The following FYN variants were observed in gnomAD, a reference collection of about 807,000 sequenced individuals.
FYN encodes the protein FYN proto-oncogene, Src family tyrosine kinase, also known as tyrosine-protein kinase Fyn.
Under a neutral mutation model 70.2 loss-of-function variants are expected in FYN, and 10 were observed. The observed-to-expected ratio is 0.14, with a 90% CI of 0.09 to 0.24. The LOEUF (loss-of-function observed/expected upper bound fraction) is 0.24. FYN is among the 10% of genes least tolerant of loss of function. The pLI is 1.00. For synonymous variants in FYN, 236 were observed against 248.6 expected (o/e 0.95, Z 0.48); for missense variants, 319 against 673.1 (o/e 0.47, Z 5.82).
At chr6:111,732,790 T>C (rs1801527556) in intron 3 of FYN, among the ~76,000 whole-genome samples, 1 of 152,168 alleles carries the variant, frequency 6.6e-6, no homozygotes, top group African/African-American at 2.4e-5. Flanking sequence ...GCTGGTGAAC[T>C]GGCTTCAACA....
chr6:111,822,422 T>C (rs940142080), intron 2 of FYN, among the ~76,000 whole-genome samples: 2 of 151,874 alleles, frequency 1.3e-5, no homozygotes, highest in South Asian at 2.1e-4. Flanking sequence ...TAGGTGGGAA[T>C]TGAACAATGA....
intron 3 of FYN, among the ~76,000 whole-genome samples, chr6:111,743,697 C>T (rs2128481160): frequency 6.6e-6 from 1 of 152,202 alleles, no homozygotes; most frequent in South Asian, 2.1e-4. Context: ...CAAGAGGATC[C>T]CAGAGATCGG....
rs148899885 is a variant in FYN at position 111,767,463 on chromosome 6, G to A, written c.-12+13103C>T. Reference sequence around the variant, plus strand: ...GTTGCCCAGGCTGGAGTGCAGTGGCGCAATCTCAGCTCACTGCAACCTCTG... The same window carrying A: ...GTTGCCCAGGCTGGAGTGCAGTGGCACAATCTCAGCTCACTGCAACCTCTG... On this transcript the variant is annotated intron_variant, in intron 3 of 13. Transcript: ENST00000354650. Among the ~76,000 whole-genome samples the A allele has an allele frequency of 1.5e-3, 223 of 152,180 alleles. 2 individuals carry two copies. Among genetic ancestry groups the A allele is most frequent in the African/African-American group, 5.1e-3 (212 of 41,520 alleles).
rs1802374447 is a variant in FYN, at chr6:111,749,103, A to C, written c.-11-29041T>G. 1.3e-5 allele frequency among the ~76,000 whole-genome samples: 2 copies of C among 152,196 alleles called. 1 individual carries two copies. Among genetic ancestry groups the C allele is most frequent in the South Asian group, 4.1e-4 (2 of 4,832 alleles). On this transcript the variant is annotated intron_variant, in intron 3 of 13. Coordinates refer to ENST00000354650, the MANE Select transcript of FYN (RefSeq NM_002037.5). ...TCACTCTTCCTGGGCCTCAGTCACT[A>C]TAATGGTTCATCCAGATCATCTCGG... is the stretch of plus-strand genomic sequence containing the variant.
chr6:111,817,984 A>G (rs1772542890), intron 2 of FYN, among the ~76,000 whole-genome samples: 1 of 152,204 alleles, frequency 6.6e-6, no homozygotes, highest in South Asian at 2.1e-4. Context: ...ATCTATGCAC[A>G]TGTGCCCTGA....
chr6:111,725,764 T>C (rs892545349), intron 3 of FYN, among the ~76,000 whole-genome samples: 3 of 152,050 alleles, frequency 2.0e-5, no homozygotes, highest in Non-Finnish European at 2.9e-5. Context: ...CTAAATGACA[T>C]TGTGGTAGGG....
intron 3 of FYN, among the ~76,000 whole-genome samples, chr6:111,738,116 G>T (rs962069023): frequency 6.6e-6 from 1 of 152,160 alleles, no homozygotes; most frequent in African/African-American, 2.4e-5. Context: ...TCTGTTAGGA[G>T]CAAGTACTGG....
chr6:111,808,887 T>C (rs1408057149), intron 2 of FYN, among the ~76,000 whole-genome samples: 1 of 152,210 alleles, frequency 6.6e-6, no homozygotes, highest in East Asian at 1.9e-4. Context: ...AATGTTCTTA[T>C]CAAATATTTA....
chr6:111,859,624 T>G (rs114702362), intron 1 of FYN, among the ~76,000 whole-genome samples: 6 of 152,206 alleles, frequency 3.9e-5, no homozygotes, highest in Admixed American at 3.9e-4. Flanking sequence ...ATAGTTAAAA[T>G]CAAACAGGTA....
chr6:111,790,342 G>A (rs1217378159), intron 2 of FYN, among the ~76,000 whole-genome samples: 1 of 149,292 alleles, frequency 6.7e-6, no homozygotes, highest in Non-Finnish European at 1.5e-5. Context: ...AAGTGCAACA[G>A]AACAGCTCTG....
At chr6:111,662,109 AAAG>A (rs1797765022) in intron 13 of FYN, among the ~76,000 whole-genome samples, 162 bp from the exon 14 acceptor site, 1 of 152,236 alleles carries the variant, frequency 6.6e-6, no homozygotes, top group Non-Finnish European at 1.5e-5. Flanking sequence ...ACTCAGGAGT[AAAG>A]AAGGAGTGCA....
chr6:111,742,443 G>C (rs912239102), intron 3 of FYN, among the ~76,000 whole-genome samples: 8 of 152,248 alleles, frequency 5.3e-5, no homozygotes, highest in Middle Eastern at 3.4e-3. Flanking sequence ...TCATTTCTCT[G>C]GGTCTGAGGG....
At chr6:111,677,083 A>C (rs945102414) in intron 12 of FYN, among the ~76,000 whole-genome samples, 1 of 152,240 alleles carries the variant, frequency 6.6e-6, no homozygotes, top group African/African-American at 2.4e-5. Flanking sequence ...GGTCTGAGTT[A>C]CTACTAGTCG....
chr6:111,820,761 T>C (rs866935872), intron 2 of FYN, among the ~76,000 whole-genome samples: 1 of 151,896 alleles, frequency 6.6e-6, no homozygotes, highest in African/African-American at 2.4e-5. Flanking sequence ...AAAAATGATA[T>C]AAGCACTGGA....
chr6:111,805,047 T>C (rs950926371), intron 2 of FYN, among the ~76,000 whole-genome samples: 1 of 152,030 alleles, frequency 6.6e-6, no homozygotes, highest in African/African-American at 2.4e-5. Flanking sequence ...CTAACAGGCC[T>C]CCCCTTAATC....
At chr6:111,726,231 T>C (rs1010857368) in intron 3 of FYN, among the ~76,000 whole-genome samples, 2 of 152,182 alleles carry the variant, frequency 1.3e-5, no homozygotes, top group Non-Finnish European at 2.9e-5. Flanking sequence ...AGCTAACAGA[T>C]GGATGTTGTT....
chr6:111,694,824 T>C lies in FYN; in HGVS notation c.1043-120A>G. 1.3e-6 allele frequency: 1 copy of C among 793,136 alleles called. No individual in the cohort carries two copies. Among genetic ancestry groups the C allele is most frequent in the East Asian group, 2.6e-5 (1 of 38,278 alleles). The allele number at this position is 793,136 out of a possible 1,614,324, so 49.1% of individuals were successfully genotyped here. On this transcript the variant is annotated intron_variant, in intron 10 of 13. Coordinates refer to ENST00000354650, the MANE Select transcript of FYN (RefSeq NM_002037.5). This position sits in a 1 kb window ranked among gnomAD's most constrained non-coding sequence, Gnocchi z 5.0. ...GTCAAATGGAATAATGCCATCCACA[T>C]GGGGGGACAAAAAGGTTTATATAAA...
intron 2 of FYN, among the ~76,000 whole-genome samples, chr6:111,840,200 C>A (rs374465468): frequency 6.6e-6 from 1 of 152,242 alleles, no homozygotes; most frequent in African/African-American, 2.4e-5. Context: ...GCAGAAAATG[C>A]CCCCCAAAAG....
intron 3 of FYN, among the ~76,000 whole-genome samples, chr6:111,755,653 T>C (rs916752385): frequency 3.9e-5 from 6 of 152,190 alleles, no homozygotes; most frequent in African/African-American, 7.2e-5. Context: ...TTTGTGGAAA[T>C]AGTATCATAC....
Sources: gnomAD v4.1 joint callset for allele counts (sites outside exome capture counted in the v4.1 genomes callset) on GRCh38, gnomAD v4.1.1 for gene constraint, Gnocchi (gnomAD v3.1) non-coding constraint, MANE v1.5 for transcripts, NCBI Gene and HGNC (gene_info 2026-07-23, HGNC 2026-07-21) for gene names.